Variants in PLEKHG7 observed in about 807,000 individuals in gnomAD.
PLEKHG7 encodes the protein pleckstrin homology domain-containing family G member 7.
PLEKHG7 carries 77 observed loss-of-function variants against 85.2 expected under a neutral mutation model. The ratio of observed to expected loss-of-function variants is 0.90; its 90% CI spans 0.75 to 1.09. The LOEUF (loss-of-function observed/expected upper bound fraction) is 1.09, where lower values mean the gene tolerates loss of function less well. Ranked by LOEUF, PLEKHG7 falls within the 50% of genes least tolerant of loss-of-function variation. The pLI is 0.00. For synonymous variants in PLEKHG7, 301 were observed against 302.4 expected, an observed-to-expected ratio of 1.00 and a Z score of 0.05; for missense variants, 777 against 804.3, an observed-to-expected ratio of 0.97 and a Z score of 0.41.
chr12:92,761,931 A>C, intron 14 of PLEKHG7, 100 bp downstream of exon 14: 2 of 1,306,610 alleles, frequency 1.5e-6, no homozygotes, highest in Non-Finnish European at 2.0e-6. Flanking sequence ...AAATATTCTT[A>C]AGCTGAATCT....
rs1873374619 is a variant in PLEKHG7, at chr12:92,770,409, A to G, written c.*214A>G. 1 of 481,918 alleles carries G rather than the reference A, an allele frequency of 2.1e-6. No homozygotes were observed. 29.9% of individuals were successfully genotyped at this position (481,918 alleles called of 1,614,324 possible). A position where few individuals can be genotyped will look rare whatever the true frequency, so the allele number is the denominator to read the frequency against. ...CTCTGAGGAATTTCTTGACAAATAT[A>G]TACTGACATCCAGATTACCTTCTAA... On this transcript the variant is annotated 3_prime_UTR_variant, in exon 17 of 17. Coordinates refer to ENST00000344636, the MANE Select transcript of PLEKHG7 (RefSeq NM_001377329.1).
rs1177441099 is a variant in PLEKHG7, at chr12:92,706,922, C to A, written c.291C>A (p.His97Gln). ...SLPGSPKDSS[H>Q]LLSPLRLHSR... ...CAGGAAGCCCAAAGGATTCTTCACA[C>A]TTGCTGTCACCCTTGAGACTCCACT... Residue 97 changes from histidine (H) to glutamine (Q), a missense_variant, in exon 2 of 17, where the codon CAC (histidine) becomes CAA (glutamine). By Grantham distance (24) the His-to-Gln change is conservative. Transcript: ENST00000344636. 6.2e-7 allele frequency: 1 copy of A among 1,614,192 alleles called. No individual in the cohort carries two copies.
In PLEKHG7 at chr12:92,751,078, A is replaced by G. The variant is rs150860973; in HGVS notation, c.1252-3012A>G. On this transcript the variant is annotated intron_variant, in intron 10 of 16. Coordinates refer to ENST00000344636, the MANE Select transcript of PLEKHG7 (RefSeq NM_001377329.1). ...AGGGTAAATTTATCCCACTGCATTT[A>G]TAGGTCGATTTCAGGCAGCCCATAA... Among the ~76,000 whole-genome samples, 367 of 152,366 alleles carry G rather than the reference A, an allele frequency of 2.4e-3. 2 individuals carry two copies. Among genetic ancestry groups the G allele is most frequent in the African/African-American group, 8.2e-3 (343 of 41,576 alleles).
At chr12:92,732,171 G>T in intron 4 of PLEKHG7, 62 bp from the exon 5 acceptor site, 1 of 1,038,330 alleles carries the variant, frequency 9.6e-7, no homozygotes, top group Non-Finnish European at 1.2e-6. Flanking sequence ...AAAGCACTAC[G>T]ATGATCTGTC....
At chr12:92,765,727 G>C (rs12316605) in intron 15 of PLEKHG7, among the ~76,000 whole-genome samples, 1 of 151,984 alleles carries the variant, frequency 6.6e-6, no homozygotes, top group African/African-American at 2.4e-5. Context: ...TCAGGAGTTC[G>C]AGGCTGCAGT....
Position 92,745,488 on chromosome 12 carries a change from G to A in PLEKHG7, c.1148G>A (p.Gly383Glu), listed in dbSNP as rs866307473. 1 of 1,611,270 alleles carries A rather than the reference G, an allele frequency of 6.2e-7. No homozygotes were observed. The highest frequency in any genetic ancestry group is 1.7e-5 in the Admixed American group (1 of 59,982). Residue 383 changes from glycine (G) to glutamate (E), a missense_variant, in exon 10 of 17, where the codon GGG becomes GAG. Physicochemically the swap from Gly to Glu is moderately conservative, Grantham distance 98 (BLOSUM62 -2). Transcript: ENST00000344636. ...FISVLTKYFRGSLCQSHQTYC... is the reference protein window; with the variant it reads ...FISVLTKYFRESLCQSHQTYC... ...CTTCCTTTCTTGCAGTATTTCCGAG[G>A]GAGTCTCTGTCAGAGCCACCAGACC...
intron 3 of PLEKHG7, among the ~76,000 whole-genome samples, chr12:92,715,030 A>AGAT (rs1871440475): frequency 6.9e-6 from 1 of 145,286 alleles, no homozygotes. Flanking sequence ...ATAGATAGAT[A>AGAT]GATAGATAGA....
At chr12:92,735,415 GC>G (rs1228869177) in intron 5 of PLEKHG7, among the ~76,000 whole-genome samples, 1 of 152,110 alleles carries the variant, frequency 6.6e-6, no homozygotes, top group Non-Finnish European at 1.5e-5. Flanking sequence ...CACACAGGGA[GC>G]CCCCTACCTG....
intron 3 of PLEKHG7, chr12:92,721,512 A>G (rs1291666275): frequency 8.1e-7 from 1 of 1,227,280 alleles, no homozygotes; most frequent in Non-Finnish European, 1.0e-6. Context: ...GCTTGGGGCA[A>G]CGCAACTCAG....
chr12:92,707,641 T>G lies in PLEKHG7; in HGVS notation c.508-9T>G. The stretch of plus-strand genomic sequence containing the variant: ...AGACTAAAACATATGTTCTTAAAAT[T>G]TATTTCAGGGAGAAGAATTGCACCC... On this transcript the variant is annotated splice_polypyrimidine_tract_variant and intron_variant, in intron 2 of 16. Transcript: ENST00000344636. 1 of 1,613,216 alleles carries G rather than the reference T, an allele frequency of 6.2e-7. No homozygotes were observed. The highest frequency in any genetic ancestry group is 8.5e-7 in the Non-Finnish European group (1 of 1,179,524).
intron 9 of PLEKHG7, among the ~76,000 whole-genome samples, chr12:92,745,132 T>C (rs1029548979): frequency 1.3e-5 from 2 of 152,216 alleles, no homozygotes; most frequent in African/African-American, 4.8e-5. Flanking sequence ...CAGTATTTGT[T>C]ACTGGGTGTC....
intron 10 of PLEKHG7, chr12:92,749,873 T>G (rs1872636599): frequency 6.9e-6 from 1 of 144,922 alleles, no homozygotes; most frequent in African/African-American, 2.5e-5. Context: ...TTATTTTATT[T>G]TATTTTATTT....
In PLEKHG7 at chr12:92,737,749, G is replaced by GGAAGGGAAGGAAGGAAGGAAGGAAGGA. The variant is rs1592680440; in HGVS notation, c.939+228_939+229insGAAGGGAAGGAAGGAAGGAAGGAAGGA. On this transcript the variant is annotated intron_variant, in intron 7 of 16. Coordinates refer to ENST00000344636, the MANE Select transcript of PLEKHG7 (RefSeq NM_001377329.1). ...GGAAGGAGGGAGGAAGGGAGGGAGG[G>GGAAGGGAAGGAAGGAAGGAAGGAAGGA]AGGAAGGAAGGAAGGAAGGAAGGGA... 1.5e-4 allele frequency among the ~76,000 whole-genome samples: 19 copies of GGAAGGGAAGGAAGGAAGGAAGGAAGGA among 126,030 alleles called. No individual in the cohort carries two copies. In the East Asian group the frequency reaches 3.4e-3, roughly 23 times the overall value. 82.7% of individuals were successfully genotyped at this position (126,030 alleles called of 152,430 possible).
intron 2 of PLEKHG7, 124 bp downstream of exon 2, chr12:92,707,262 C>T (rs1408224268): frequency 9.0e-6 from 13 of 1,443,982 alleles, no homozygotes; most frequent in Middle Eastern, 1.9e-4. Flanking sequence ...GGAAGTCACA[C>T]TGAGGGGACA....
At chr12:92,743,019 A>G (rs1872414217) in intron 9 of PLEKHG7, among the ~76,000 whole-genome samples, 1 of 152,186 alleles carries the variant, frequency 6.6e-6, no homozygotes, top group Non-Finnish European at 1.5e-5. Flanking sequence ...ACAGATGTGC[A>G]ATGATGGGCT....
At chr12:92,731,430 A>G (rs1871989794) in intron 4 of PLEKHG7, among the ~76,000 whole-genome samples, 1 of 152,104 alleles carries the variant, frequency 6.6e-6, no homozygotes, top group Non-Finnish European at 1.5e-5. Flanking sequence ...TATTATGCAC[A>G]CTCTCCTGGG....
intron 3 of PLEKHG7, among the ~76,000 whole-genome samples, chr12:92,726,629 A>G (rs200996050): frequency 1.1e-4 from 16 of 152,064 alleles, no homozygotes; most frequent in South Asian, 2.1e-4. Flanking sequence ...AGCCTGACCA[A>G]TTTTGCTCCT....
Position 92,743,708 on chromosome 12 carries a change from C to T in PLEKHG7, c.1138-1770C>T, listed in dbSNP as rs146671011. Among the ~76,000 whole-genome samples the T allele has an allele frequency of 4.1e-3, 617 of 152,172 alleles. 12 individuals are homozygous for T. Among genetic ancestry groups the T allele is most frequent in the African/African-American group, 0.014 (591 of 41,504 alleles). On this transcript the variant is annotated intron_variant, in intron 9 of 16. Coordinates refer to ENST00000344636, the MANE Select transcript of PLEKHG7 (RefSeq NM_001377329.1). ...CCGAGTAGCTGGGACCAGAGGTGTGCGCCACCATGCCCAACTAATTTTTGT... is the reference window on the plus strand; with the variant it reads ...CCGAGTAGCTGGGACCAGAGGTGTGTGCCACCATGCCCAACTAATTTTTGT...
chr12:92,740,235 GA>G lies in PLEKHG7; in HGVS notation c.940-616del, dbSNP rs146748020. Among the ~76,000 whole-genome samples the G allele has an allele frequency of 9.3e-4, 141 of 152,254 alleles. 2 individuals carry two copies. The East Asian group carries it at 0.024, about 26-fold the overall frequency. On this transcript the variant is annotated intron_variant, in intron 7 of 16. Transcript: ENST00000344636. ...TAAATTGATCTCTCTTCAGTTTATAGAATGAAGGGCAGGCTATCTGTAAGTG... is the reference window on the plus strand; with the variant it reads ...TAAATTGATCTCTCTTCAGTTTATAGATGAAGGGCAGGCTATCTGTAAGTG...
Sources: gnomAD v4.1 joint callset for allele counts (sites outside exome capture counted in the v4.1 genomes callset) on GRCh38, gnomAD v4.1.1 for gene constraint, MANE v1.5 for transcripts, NCBI Gene and HGNC (gene_info 2026-07-23, HGNC 2026-07-21) for gene names.